PTPRD: variants seen among roughly 807,000 people sequenced by gnomAD.
The protein encoded by PTPRD is protein tyrosine phosphatase receptor type D.
PTPRD carries 34 observed loss-of-function variants against 214.5 expected under a neutral mutation model. The observed-to-expected ratio is 0.16, with a 90% CI of 0.12 to 0.21. PTPRD has a LOEUF of 0.21. Among genes scored for constraint, PTPRD ranks in the 10% least tolerant of loss-of-function variants. PTPRD has a pLI of 1.00. For missense variants in PTPRD, 2,545 were observed against 2,398.7 expected (o/e 1.06, Z -1.27); for synonymous variants, 1,128 against 845.7 (o/e 1.33, Z -5.79).
chr9:10,131,752 T>G (rs1285547905), intron 3 of PTPRD, among the ~76,000 whole-genome samples: 3 of 152,170 alleles, frequency 2.0e-5, no homozygotes, highest in Non-Finnish European at 4.4e-5. Context: ...TAGAAAGTCA[T>G]GGAAGATGTA....
intron 10 of PTPRD, among the ~76,000 whole-genome samples, chr9:9,067,910 A>G (rs2099737459): frequency 6.6e-6 from 1 of 152,180 alleles, no homozygotes; most frequent in South Asian, 2.1e-4. Flanking sequence ...ACTAGAATGA[A>G]GACACAGAAC....
chr9:10,008,130 C>A (rs13283706), intron 4 of PTPRD, among the ~76,000 whole-genome samples: 22,625 of 151,840 alleles, frequency 0.15, 2,055 homozygotes, highest in African/African-American at 0.24. Context: ...CACCTCAACC[C>A]GCTTAACAAA....
At chr9:9,843,767 T>C (rs1378058458) in intron 5 of PTPRD, among the ~76,000 whole-genome samples, 1 of 151,990 alleles carries the variant, frequency 6.6e-6, no homozygotes, top group Non-Finnish European at 1.5e-5. Flanking sequence ...AAATTGCTGA[T>C]TAAATAATAT....
At chr9:8,627,714 C>T (rs936670873) in intron 14 of PTPRD, among the ~76,000 whole-genome samples, 3 of 151,784 alleles carry the variant, frequency 2.0e-5, no homozygotes, top group African/African-American at 7.2e-5. Context: ...ATAGCGTCTC[C>T]TCACAGGTAC....
intron 12 of PTPRD, among the ~76,000 whole-genome samples, chr9:8,638,103 CTTTTTTT>C (rs963311950): frequency 7.9e-6 from 1 of 127,034 alleles, no homozygotes; most frequent in Admixed American, 7.8e-5. Context: ...GCTGTTCCTT[CTTTTTTT>C]TTTTTTTTTT....
Position 8,548,942 on chromosome 9 carries a change from C to T in PTPRD, c.353-20163G>A, listed in dbSNP as rs149217717. Among the ~76,000 whole-genome samples the T allele has an allele frequency of 9.7e-3, 1,479 of 151,998 alleles. 9 individuals carry two copies. The highest frequency in any genetic ancestry group is 0.014 in the Non-Finnish European group (970 of 67,976). ...CTGACCTCAGGTGATCCGCCTGCCTCGGCCTCACAAAGTGATGGGATTACA... is the reference window on the plus strand; with the variant it reads ...CTGACCTCAGGTGATCCGCCTGCCTTGGCCTCACAAAGTGATGGGATTACA... On this transcript the variant is annotated intron_variant, in intron 14 of 45. Transcript: ENST00000381196.
At chr9:8,920,348 T>C (rs1352636422) in intron 11 of PTPRD, among the ~76,000 whole-genome samples, 1 of 152,016 alleles carries the variant, frequency 6.6e-6, no homozygotes, top group Non-Finnish European at 1.5e-5. Flanking sequence ...AAAAAAATAT[T>C]AAGACAATAT....
intron 8 of PTPRD, among the ~76,000 whole-genome samples, chr9:9,539,965 C>G (rs1040860764): frequency 6.6e-6 from 1 of 151,810 alleles, no homozygotes; most frequent in African/African-American, 2.4e-5. Context: ...AATTACCCTA[C>G]ACGGATATTT....
rs1566490148 is a variant in PTPRD, at chr9:9,934,633, A to T, written c.-368+3874T>A. Among the ~76,000 whole-genome samples, 3 of 150,488 alleles carry T rather than the reference A, an allele frequency of 2.0e-5. No individual in the cohort carries two copies. The South Asian group carries it at 6.4e-4, about 32-fold the overall frequency. On this transcript the variant is annotated intron_variant, in intron 5 of 45. Coordinates refer to ENST00000381196, the MANE Select transcript of PTPRD (RefSeq NM_002839.4). ...CAGGACCAGATGGATTCACAGCTGA[A>T]TTCTCGCAGAGGTACAAGGAGGAAC...
chr9:8,807,533 A>G lies in PTPRD; in HGVS notation c.-103-73587T>C, dbSNP rs193219692. 3.5e-4 allele frequency among the ~76,000 whole-genome samples: 53 copies of G among 152,250 alleles called. 1 individual carries two copies. In the East Asian group the frequency reaches 9.3e-3, roughly 27 times the overall value. ...TGAGGAGAGAATTAAACTATTATTT[A>G]GAAAGTTTCACTAGTTTTCTGTGTG... On this transcript the variant is annotated intron_variant, in intron 11 of 45. Transcript: ENST00000381196.
chr9:9,384,778 C>T (rs942284520), intron 9 of PTPRD, among the ~76,000 whole-genome samples: 11 of 151,986 alleles, frequency 7.2e-5, no homozygotes, highest in Non-Finnish European at 1.0e-4. Context: ...TTTTTTCATG[C>T]TTCACTATTT....
chr9:9,614,969 C>T (rs1025655014), intron 7 of PTPRD, among the ~76,000 whole-genome samples: 4 of 152,106 alleles, frequency 2.6e-5, no homozygotes, highest in South Asian at 2.1e-4. Flanking sequence ...TGATGTTAAG[C>T]TTTCTCAGTA....
At chr9:9,905,427 A>C (rs969182007) in intron 5 of PTPRD, among the ~76,000 whole-genome samples, 5 of 152,018 alleles carry the variant, frequency 3.3e-5, no homozygotes, top group Non-Finnish European at 7.4e-5. Flanking sequence ...ATATTGTCAC[A>C]TATGTCATCC....
intron 2 of PTPRD, among the ~76,000 whole-genome samples, chr9:10,347,258 G>A (rs2097100817): frequency 6.6e-6 from 1 of 151,916 alleles, no homozygotes; most frequent in African/African-American, 2.4e-5. Flanking sequence ...TTTCCTCCAT[G>A]TATTTTTCCT....
chr9:8,381,190 G>A (rs2084964222), intron 37 of PTPRD, among the ~76,000 whole-genome samples: 1 of 152,124 alleles, frequency 6.6e-6, no homozygotes, highest in South Asian at 2.1e-4. Flanking sequence ...TGGACAAACA[G>A]GCTAACATTA....
intron 7 of PTPRD, among the ~76,000 whole-genome samples, chr9:9,629,238 G>GTGTGTATA (rs149327972): frequency 3.6e-5 from 5 of 140,368 alleles, no homozygotes; most frequent in African/African-American, 1.4e-4. Flanking sequence ...GTGTGTGTGT[G>GTGTGTATA]TATATATATA....
chr9:9,670,899 G>A (rs1564446112), intron 7 of PTPRD, among the ~76,000 whole-genome samples: 1 of 152,162 alleles, frequency 6.6e-6, no homozygotes, highest in African/African-American at 2.4e-5. Flanking sequence ...TTAGGGCTGT[G>A]AGGAAAGGAA....
intron 14 of PTPRD, among the ~76,000 whole-genome samples, chr9:8,615,484 T>C (rs1314155049): frequency 6.6e-6 from 1 of 152,120 alleles, no homozygotes; most frequent in African/African-American, 2.4e-5. Context: ...GACAATGGCC[T>C]TTCATGGTGT....
At chr9:8,559,516 T>A (rs748349266) in intron 14 of PTPRD, among the ~76,000 whole-genome samples, 9 of 152,198 alleles carry the variant, frequency 5.9e-5, no homozygotes, top group Admixed American at 1.3e-4. Flanking sequence ...CCAGAAGTTA[T>A]CATCCTTAAA....
Sources: allele counts gnomAD v4.1 joint callset (sites outside exome capture counted in the v4.1 genomes callset), GRCh38; gene constraint gnomAD v4.1.1; transcripts MANE v1.5; gene names NCBI Gene and HGNC (gene_info 2026-07-23, HGNC 2026-07-21).